SLC25A53: variants seen among roughly 807,000 people sequenced by gnomAD.
SLC25A53 encodes the protein solute carrier family 25 member 53, also known as mitochondrial carrier triple repeat protein 6.
In SLC25A53, 5 loss-of-function variants were observed where a neutral mutation model predicts 15.0. That is an observed-to-expected ratio of 0.33 (90% CI 0.17 to 0.70). The LOEUF is 0.70. SLC25A53 is among the 30% of genes least tolerant of loss of function. SLC25A53 has a pLI of 0.67. For missense variants in SLC25A53, 216 were observed against 241.6 expected (o/e 0.89, Z 0.70); for synonymous variants, 95 against 100.0 (o/e 0.95, Z 0.30).
chrX:104,155,496 T>G (rs2075497658), intron 1 of SLC25A53, among the ~76,000 whole-genome samples: 1 of 111,701 alleles, frequency 9.0e-6, no homozygotes, highest in Non-Finnish European at 1.9e-5. Flanking sequence ...TGAGAGCCAC[T>G]GACTTAGACT....
intron 1 of SLC25A53, 127 bp from the exon 2 acceptor site, chrX:104,105,415 G>C (rs782035713): frequency 1.4e-5 from 6 of 431,361 alleles, no homozygotes; most frequent in Non-Finnish European, 2.4e-5. Context: ...CTTTGAGCCA[G>C]TTTCTGATAT....
intron 1 of SLC25A53, chrX:104,115,584 C>A (rs2075374060): frequency 6.9e-6 from 2 of 288,180 alleles, no homozygotes; most frequent in Non-Finnish European, 1.3e-5. Context: ...ATGAAAGGAG[C>A]ATCTTTTCAT....
intron 1 of SLC25A53, among the ~76,000 whole-genome samples, chrX:104,150,470 C>T (rs1303345638): frequency 9.0e-6 from 1 of 111,266 alleles, no homozygotes; most frequent in African/African-American, 3.3e-5. Context: ...ATGAACATAA[C>T]AATTTCATAA....
chrX:104,109,011 G>A (rs2075325622), intron 1 of SLC25A53, among the ~76,000 whole-genome samples: 1 of 111,944 alleles, frequency 8.9e-6, no homozygotes, highest in Non-Finnish European at 1.9e-5. Context: ...GAAGGTGGAA[G>A]CAAAAAGACA....
chrX:104,110,127 T>C (rs2075332335), intron 1 of SLC25A53, among the ~76,000 whole-genome samples: 1 of 111,849 alleles, frequency 8.9e-6, no homozygotes, highest in Non-Finnish European at 1.9e-5. Flanking sequence ...TGACACCTAT[T>C]CTTGGTCCTA....
rs1243770196 is a variant in SLC25A53, at chrX:104,156,991, G to C, written c.-145C>G. 2.7e-5 allele frequency: 3 copies of C among 111,218 alleles called. No homozygotes were observed. Among genetic ancestry groups the C allele is most frequent in the Non-Finnish European group, 5.7e-5 (3 of 53,050 alleles). 9.2% of individuals were successfully genotyped at this position (111,218 alleles called of 1,213,427 possible). A position where few individuals can be genotyped will look rare whatever the true frequency, so the allele number is the denominator to read the frequency against. ...GCCCATCCGCCGCCCTCACTTAAGCGACGCACAACGGAGCTCCCACAATCC... is the reference window on the plus strand; with the variant it reads ...GCCCATCCGCCGCCCTCACTTAAGCCACGCACAACGGAGCTCCCACAATCC... On this transcript the variant is annotated 5_prime_UTR_variant, in exon 1 of 2. Transcript: ENST00000594199.
intron 1 of SLC25A53, among the ~76,000 whole-genome samples, chrX:104,141,581 C>A (rs782545427): frequency 7.2e-5 from 8 of 111,562 alleles, no homozygotes; most frequent in Non-Finnish European, 1.5e-4. Context: ...TTAAACAATT[C>A]CAACAGTACA....
rs1556353137 is a variant in SLC25A53 at position 104,102,705 on chromosome X, A to T, written c.*1629T>A. On this transcript the variant is annotated 3_prime_UTR_variant, in exon 2 of 2. Transcript: ENST00000594199. The stretch of plus-strand genomic sequence containing the variant: ...GCACCTAGGCACAATGGAAGATTTT[A>T]AAATGCATACAAAAATCCCTGCTTT... The T allele has an allele frequency of 8.9e-6, 1 of 111,984 alleles. No homozygotes were observed. The highest frequency in any genetic ancestry group is 3.3e-5 in the African/African-American group (1 of 30,768). The allele number at this position is 111,984 out of a possible 1,213,427, so 9.2% of individuals were successfully genotyped here.
intron 1 of SLC25A53, chrX:104,113,083 G>C (rs2075357668): frequency 1.8e-5 from 2 of 109,935 alleles, no homozygotes; most frequent in South Asian, 8.0e-4. Context: ...CAAGGGGCGG[G>C]AGGAGACGAT....
rs781945327 is a variant in SLC25A53 at position 104,114,483 on chromosome X, T to TG, written c.-31-9196dup. ...CAATGAAATTGGTGTTTGGGGAGTCTGAAAGCAGTGTGACTGCCCATGGTA... is the reference window on the plus strand; with the variant it reads ...CAATGAAATTGGTGTTTGGGGAGTCTGGAAAGCAGTGTGACTGCCCATGGTA... On this transcript the variant is annotated intron_variant, in intron 1 of 1. Coordinates refer to ENST00000594199, the MANE Select transcript of SLC25A53 (RefSeq NM_001012755.5). The TG allele has an allele frequency of 3.3e-4, 402 of 1,209,981 alleles. 1 individual carries two copies. In the South Asian group the frequency reaches 6.5e-3, roughly 20 times the overall value.
intron 1 of SLC25A53, among the ~76,000 whole-genome samples, chrX:104,124,278 C>A (rs2075403669): frequency 8.9e-6 from 1 of 112,017 alleles, no homozygotes; most frequent in Admixed American, 9.4e-5. Flanking sequence ...GATGGTATCT[C>A]ATTGTGGTTT....
At chrX:104,137,244 G>A (rs1259450664) in intron 1 of SLC25A53, among the ~76,000 whole-genome samples, 2 of 111,352 alleles carry the variant, frequency 1.8e-5, no homozygotes, top group Non-Finnish European at 3.8e-5. Flanking sequence ...CCGCCTCAAT[G>A]CATGTTTGAT....
chrX:104,142,900 G>A (rs1188552241), intron 1 of SLC25A53, among the ~76,000 whole-genome samples: 6 of 93,529 alleles, frequency 6.4e-5, no homozygotes, highest in Admixed American at 3.8e-4. Flanking sequence ...CAGCCTGGGC[G>A]ACAGAGCGAG....
At chrX:104,122,317 G>GTTTTTTTTTTTTTGT (rs200042372) in intron 1 of SLC25A53, among the ~76,000 whole-genome samples, 4 of 75,334 alleles carry the variant, frequency 5.3e-5, no homozygotes, top group South Asian at 6.6e-4. Context: ...TTTTTTTTTT[G>GTTTTTTTTTTTTTGT]TTTTTTTTTT....
intron 1 of SLC25A53, among the ~76,000 whole-genome samples, chrX:104,122,599 T>C (rs1309981550): frequency 9.0e-6 from 1 of 111,134 alleles, no homozygotes; most frequent in East Asian, 2.8e-4. Context: ...TACTCTAAAT[T>C]CTCCTTTTAT....
chrX:104,146,421 C>T (rs2075467054), intron 1 of SLC25A53, among the ~76,000 whole-genome samples: 1 of 111,850 alleles, frequency 8.9e-6, no homozygotes, highest in African/African-American at 3.3e-5. Flanking sequence ...TCTCTCACCA[C>T]TCCTATTCAA....
intron 1 of SLC25A53, among the ~76,000 whole-genome samples, chrX:104,146,667 CAGAG>C (rs1313979412): frequency 2.7e-5 from 3 of 111,150 alleles, no homozygotes; most frequent in Non-Finnish European, 5.7e-5. Context: ...CAATAACAGA[CAGAG>C]AGCCAAATCA....
intron 1 of SLC25A53, chrX:104,112,395 C>T (rs1313234331): frequency 8.8e-6 from 1 of 114,058 alleles, no homozygotes; most frequent in Non-Finnish European, 1.9e-5. Flanking sequence ...TGCCGCAGCC[C>T]CCGCCCGCCG....
chrX:104,151,626 A>G (rs147988063), intron 1 of SLC25A53, among the ~76,000 whole-genome samples: 59 of 111,720 alleles, frequency 5.3e-4, no homozygotes, highest in Non-Finnish European at 6.2e-4. Context: ...GCTGTAGCAC[A>G]CAGAAAATAT....
Sources: allele counts gnomAD v4.1 joint callset (sites outside exome capture counted in the v4.1 genomes callset), GRCh38; gene constraint gnomAD v4.1.1; transcripts MANE v1.5; gene names NCBI Gene and HGNC (gene_info 2026-07-23, HGNC 2026-07-21).